The following DYRK1B variants were observed in gnomAD, a reference collection of about 807,000 sequenced individuals.
The protein encoded by DYRK1B is dual specificity tyrosine phosphorylation regulated kinase 1B, also known as dual specificity tyrosine-phosphorylation-regulated kinase 1B.
A neutral mutation model predicts 57.1 loss-of-function variants in DYRK1B; 20 were observed. That is an observed-to-expected ratio of 0.35 (90% CI 0.25 to 0.51). The LOEUF is 0.51. DYRK1B is among the 20% of genes least tolerant of loss of function. The pLI is 0.96. For synonymous variants in DYRK1B, 409 were observed against 384.7 expected (o/e 1.06, Z -0.74); for missense variants, 732 against 886.3 (o/e 0.83, Z 2.21).
At chr19:39,831,240 T>G (rs1004441956) in intron 2 of DYRK1B, among the ~76,000 whole-genome samples, 5 of 152,180 alleles carry the variant, frequency 3.3e-5, no homozygotes, top group Non-Finnish European at 7.3e-5. Flanking sequence ...CCCAAGGCTC[T>G]TGGATCTGGA....
chr19:39,825,714 G>A lies in DYRK1B; in HGVS notation c.*1C>T, dbSNP rs1175746946. ...GGAGGGGCCCCAGGGAGGGGGCAGG[G>A]TCACGAGCTGGCTGCTGTGCTCTGG... On this transcript the variant is annotated 3_prime_UTR_variant, in exon 11 of 11. Transcript: ENST00000323039. The A allele has an allele frequency of 2.6e-6, 4 of 1,548,646 alleles. No homozygotes were observed. Among genetic ancestry groups the A allele is most frequent in the East Asian group, 2.4e-5 (1 of 40,944 alleles).
Position 39,828,243 on chromosome 19 carries a change from G to T in DYRK1B, c.807+54C>A. The T allele has an allele frequency of 6.3e-7, 1 of 1,586,416 alleles. No homozygotes were observed. Among genetic ancestry groups the T allele is most frequent in the Non-Finnish European group, 8.6e-7 (1 of 1,164,444 alleles). On this transcript the variant is annotated intron_variant, in intron 6 of 10. Transcript: ENST00000323039. The surrounding 1 kb of genome is among the most constrained non-coding windows in gnomAD (Gnocchi z 4.3). ...AGCCCCGCCCCTAAGCCTCCCGTTG[G>T]CTCTGCCCCACCCAAACTACTAGCC...
At chr19:39,833,405 C>A in intron 1 of DYRK1B, 1 of 971,044 alleles carries the variant, frequency 1.0e-6, no homozygotes, top group Non-Finnish European at 1.2e-6. Context: ...GGCCCCGCGG[C>A]GGGGAGGGCA....
Position 39,828,567 on chromosome 19 carries a change from G to A in DYRK1B, c.537C>T (p.His179=), listed in dbSNP as rs1968650909. The stretch of plus-strand genomic sequence containing the variant: ...GGCACAGGTGGTTCCGGAACATGAA[G>A]TGCCGCTTCAGGTGTACTGCGGGGG... The part of the protein sequence containing the change: ...MKYYIVHLKR[H]FMFRNHLCLV... Residue 179 remains histidine (H), a synonymous_variant, in exon 6 of 11, where the codon CAC becomes CAT. Coordinates refer to ENST00000323039, the MANE Select transcript of DYRK1B (RefSeq NM_004714.3). The surrounding 1 kb of genome is among the most constrained non-coding windows in gnomAD (Gnocchi z 4.3). 1.2e-6 allele frequency: 2 copies of A among 1,609,434 alleles called. No homozygotes were observed. The highest frequency in any genetic ancestry group is 1.7e-6 in the Non-Finnish European group (2 of 1,176,510).
chr19:39,830,058 G>C, intron 4 of DYRK1B, 31 bp from the exon 5 acceptor site: 1 of 1,611,766 alleles, frequency 6.2e-7, no homozygotes, highest in Non-Finnish European at 8.5e-7. Flanking sequence ...ACGAAGAAAG[G>C]GGTGGGAGCA....
intron 4 of DYRK1B, 49 bp from the exon 5 acceptor site, chr19:39,830,076 G>C: frequency 2.5e-6 from 4 of 1,596,318 alleles, no homozygotes; most frequent in Non-Finnish European, 3.4e-6. Context: ...GCAGGGCAGA[G>C]CCAGGCACCA....
Position 39,827,614 on chromosome 19 carries a change from C to T in DYRK1B, c.850G>A (p.Val284Met). ...AGGTCGTAGGGTGTGCCCAGGAGCACCTCAGGTGAGCGGTAGAAGCGGCTC... is the reference window on the plus strand; with the variant it reads ...AGGTCGTAGGGTGTGCCCAGGAGCATCTCAGGTGAGCGGTAGAAGCGGCTC... ...IQSRFYRSPE[V>M]LLGTPYDLAI... The change falls in exon 7 of 11, where the codon GTG becomes ATG. Residue 284 changes from valine to methionine, a missense_variant. Coordinates refer to ENST00000323039, the MANE Select transcript of DYRK1B (RefSeq NM_004714.3). 6.2e-7 allele frequency: 1 copy of T among 1,614,050 alleles called. No individual in the cohort carries two copies. Among genetic ancestry groups the T allele is most frequent in the Non-Finnish European group, 8.5e-7 (1 of 1,179,962 alleles).
In DYRK1B at chr19:39,826,044, C is replaced by T. The variant is rs1299685396; in HGVS notation, c.1561G>A (p.Val521Met). Reference sequence around the variant, plus strand: ...GGGGCTTGATGTGTCTTGTGGGGCACATCACCCCCTGCCCAGGGCCGCAGC... The same window carrying T: ...GGGGCTTGATGTGTCTTGTGGGGCATATCACCCCCTGCCCAGGGCCGCAGC... ...QPLRPWAGGDVPHKTHQAPAS... is the reference protein window; with the variant it reads ...QPLRPWAGGDMPHKTHQAPAS... Residue 521 changes from valine to methionine, a missense_variant, in exon 11 of 11, where the codon GTG becomes ATG. Around this residue, in one of 2 missense-constraint regions of DYRK1B, gnomAD observed 222 missense variants for 205.0 expected, o/e 1.08. Coordinates refer to ENST00000323039, the MANE Select transcript of DYRK1B (RefSeq NM_004714.3). The surrounding 1 kb of genome is among the most constrained non-coding windows in gnomAD (Gnocchi z 6.3). 1 of 1,517,036 alleles carries T rather than the reference C, an allele frequency of 6.6e-7. No homozygotes were observed. The highest frequency in any genetic ancestry group is 8.8e-7 in the Non-Finnish European group (1 of 1,135,636). 94.0% of individuals were successfully genotyped at this position (1,517,036 alleles called of 1,614,324 possible). A position where few individuals can be genotyped will look rare whatever the true frequency, so the allele number is the denominator to read the frequency against.
chr19:39,834,145 C>G lies in DYRK1B; in HGVS notation c.-224G>C, dbSNP rs972460744. The G allele has an allele frequency of 8.6e-6, 2 of 233,596 alleles. No individual in the cohort carries two copies. The highest frequency in any genetic ancestry group is 1.7e-5 in the Non-Finnish European group (2 of 115,808). 14.5% of individuals were successfully genotyped at this position (233,596 alleles called of 1,614,324 possible). On this transcript the variant is annotated 5_prime_UTR_variant, in exon 1 of 11. Transcript: ENST00000323039. Reference sequence around the variant, plus strand: ...CCCGATTACCCAGTAATGCAACCAGCAAAATGGCGACCACAACAAACCGGC... The same window carrying G: ...CCCGATTACCCAGTAATGCAACCAGGAAAATGGCGACCACAACAAACCGGC...
In DYRK1B at chr19:39,825,707, G is replaced by C; in HGVS notation, c.*8C>G. The C allele has an allele frequency of 6.5e-7, 1 of 1,546,786 alleles. No individual in the cohort carries two copies. Among genetic ancestry groups the C allele is most frequent in the Non-Finnish European group, 8.7e-7 (1 of 1,147,246 alleles). On this transcript the variant is annotated 3_prime_UTR_variant, in exon 11 of 11. Coordinates refer to ENST00000323039, the MANE Select transcript of DYRK1B (RefSeq NM_004714.3). ...GGCTTCAGGAGGGGCCCCAGGGAGG[G>C]GGCAGGGTCACGAGCTGGCTGCTGT...
rs779162841 is a variant in DYRK1B, at chr19:39,830,794, G to C, written c.64-11C>G. The C allele has an allele frequency of 6.3e-5, 101 of 1,607,468 alleles. No individual in the cohort carries two copies. Among genetic ancestry groups the C allele is most frequent in the Non-Finnish European group, 8.0e-5 (94 of 1,176,644 alleles). ...CACATCAGGCAATACCTGCAGGGCA[G>C]GGTGAGGGGTGGGCACTGAGGACGT... is the stretch of plus-strand genomic sequence containing the variant. On this transcript the variant is annotated splice_polypyrimidine_tract_variant and intron_variant, in intron 2 of 10. Transcript: ENST00000323039.
chr19:39,833,468 G>T lies in DYRK1B; in HGVS notation c.-102+555C>A. 2 of 467,282 alleles carry T rather than the reference G, an allele frequency of 4.3e-6. 1 individual carries two copies. The highest frequency in any genetic ancestry group is 5.6e-6 in the Non-Finnish European group (2 of 356,062). 28.9% of individuals were successfully genotyped at this position (467,282 alleles called of 1,614,324 possible). On this transcript the variant is annotated intron_variant, in intron 1 of 10. Transcript: ENST00000323039. ...AACAGCAGCCGCCACTGCCACCGGGGGCGGGGAGAGGAGGGGACAAGGGTC... is the reference window on the plus strand; with the variant it reads ...AACAGCAGCCGCCACTGCCACCGGGTGCGGGGAGAGGAGGGGACAAGGGTC...
At chr19:39,830,162 G>A (rs1256987737) in intron 4 of DYRK1B, 135 bp from the exon 5 acceptor site, 6 of 1,223,936 alleles carry the variant, frequency 4.9e-6, no homozygotes, top group East Asian at 2.3e-5. Context: ...CCATTAGTCA[G>A]GCGCTGGTGT....
At chr19:39,829,729 G>A (rs1434287997) in intron 5 of DYRK1B, 151 bp downstream of exon 5, 2 of 828,216 alleles carry the variant, frequency 2.4e-6, no homozygotes, top group South Asian at 4.3e-5. Flanking sequence ...AAAGCAGCAG[G>A]AGAATCACTG....
At position 39,825,464 on chromosome 19, in the gene DYRK1B, C is replaced by T. The variant is rs1282739049; in HGVS notation, c.*251G>A. 3 of 519,562 alleles carry T rather than the reference C, an allele frequency of 5.8e-6. No homozygotes were observed. The African/African-American group carries it at 5.9e-5, about 10-fold the overall frequency. The allele number at this position is 519,562 out of a possible 1,614,324, so 32.2% of individuals were successfully genotyped here. ...GAGGGGGGGTCTTCCCTCCACCGGA[C>T]CACCACTGTCTTTGGTACAATAAAT... On this transcript the variant is annotated 3_prime_UTR_variant, in exon 11 of 11. Coordinates refer to ENST00000323039, the MANE Select transcript of DYRK1B (RefSeq NM_004714.3).
In DYRK1B at chr19:39,826,022, G is replaced by T. The variant is rs1396611956; in HGVS notation, c.1583C>A (p.Ala528Asp). Residue 528 changes from alanine to aspartate, a missense_variant, in exon 11 of 11, where the codon GCC (alanine) becomes GAC (aspartate). Physicochemically the swap from Ala to Asp is moderately radical, Grantham distance 126. Around this residue, in one of 2 missense-constraint regions of DYRK1B, gnomAD observed 222 missense variants for 205.0 expected, o/e 1.08. Coordinates refer to ENST00000323039, the MANE Select transcript of DYRK1B (RefSeq NM_004714.3). The surrounding 1 kb of genome is among the most constrained non-coding windows in gnomAD (Gnocchi z 6.3). ...AGGCAGTGACGAGGCAGAGGCAGGG[G>T]CTTGATGTGTCTTGTGGGGCACATC... ...GGDVPHKTHQ[A>D]PASASSLPGT... 4 of 1,522,838 alleles carry T rather than the reference G, an allele frequency of 2.6e-6. No homozygotes were observed. Among genetic ancestry groups the T allele is most frequent in the Non-Finnish European group, 3.5e-6 (4 of 1,138,126 alleles). 94.3% of individuals were successfully genotyped at this position (1,522,838 alleles called of 1,614,324 possible).
intron 4 of DYRK1B, 118 bp downstream of exon 4, chr19:39,830,257 G>A (rs1447779140): frequency 2.9e-6 from 4 of 1,362,062 alleles, no homozygotes; most frequent in Non-Finnish European, 4.1e-6. Flanking sequence ...CTGAGGCACA[G>A]GGAAACTAAG....
rs571364477 is a variant in DYRK1B at position 39,829,239 on chromosome 19, T to G, written c.520+641A>C. Among the ~76,000 whole-genome samples, 179 of 151,760 alleles carry G rather than the reference T, an allele frequency of 1.2e-3. 1 individual carries two copies. Among genetic ancestry groups the G allele is most frequent in the African/African-American group, 4.2e-3 (172 of 41,444 alleles). On this transcript the variant is annotated intron_variant, in intron 5 of 10. Coordinates refer to ENST00000323039, the MANE Select transcript of DYRK1B (RefSeq NM_004714.3). ...GTTTTTTGTTTGTTTTGGGTTTTTT[T>G]TTTTTTGAGATGGAGTCTCGCTCTG... is the stretch of plus-strand genomic sequence containing the variant.
Position 39,827,500 on chromosome 19 carries a change from G to A in DYRK1B, c.954+10C>T. The A allele has an allele frequency of 3.1e-6, 5 of 1,612,662 alleles. No individual in the cohort carries two copies. Among genetic ancestry groups the A allele is most frequent in the Non-Finnish European group, 4.2e-6 (5 of 1,178,972 alleles). ...CTCCACCTCCAGCACACCCCTTCCT[G>A]GGGGCACACCTCATTGGAGCCACTG... On this transcript the variant is annotated intron_variant, in intron 7 of 10. Transcript: ENST00000323039.
Sources: gnomAD v4.1 joint callset for allele counts (sites outside exome capture counted in the v4.1 genomes callset) on GRCh38, gnomAD v4.1.1 for gene constraint, gnomAD v4.1.1 regional missense constraint, Gnocchi (gnomAD v3.1) non-coding constraint, MANE v1.5 for transcripts, NCBI Gene and HGNC (gene_info 2026-07-23, HGNC 2026-07-21) for gene names.